The following ARHGAP26 variants were observed in gnomAD, a reference collection of about 807,000 sequenced individuals.
ARHGAP26 encodes the protein rho GTPase-activating protein 26.
A neutral mutation model predicts 104.8 loss-of-function variants in ARHGAP26; 38 were observed. The observed-to-expected ratio is 0.36, with a 90% CI of 0.28 to 0.48. The LOEUF (loss-of-function observed/expected upper bound fraction) is 0.48, where lower values mean the gene tolerates loss of function less well. Ranked by LOEUF, ARHGAP26 falls within the 20% of genes least tolerant of loss-of-function variation. The pLI is 0.99. For synonymous variants in ARHGAP26, 341 were observed against 340.0 expected (o/e 1.00, Z -0.03); for missense variants, 704 against 947.9 (o/e 0.74, Z 3.38).
chr5:142,899,555 TGGGAC>T (rs1759979241), intron 6 of ARHGAP26, among the ~76,000 whole-genome samples: 1 of 152,106 alleles, frequency 6.6e-6, no homozygotes, highest in African/African-American at 2.4e-5. Flanking sequence ...GATAACCAGG[TGGGAC>T]TGCAGCAAGC....
At chr5:142,898,191 C>CAT (rs562221795) in intron 6 of ARHGAP26, among the ~76,000 whole-genome samples, 1 of 135,946 alleles carries the variant, frequency 7.4e-6, no homozygotes, top group Non-Finnish European at 1.5e-5. Flanking sequence ...CACACACACA[C>CAT]ATATATACAC....
chr5:142,846,659 A>C (rs930405097), intron 1 of ARHGAP26, among the ~76,000 whole-genome samples: 2 of 152,152 alleles, frequency 1.3e-5, no homozygotes, highest in Non-Finnish European at 2.9e-5. Flanking sequence ...CATCTCATAG[A>C]CATTTGGGAG....
intron 11 of ARHGAP26, among the ~76,000 whole-genome samples, chr5:142,963,163 G>GATATATATATATATATATATAT (rs1562163912): frequency 7.1e-5 from 8 of 112,164 alleles, no homozygotes; most frequent in Non-Finnish European, 1.2e-4. Context: ...AGTATTCCAT[G>GATATATATATATATATATATAT]GTATATATGT....
At chr5:142,794,260 C>G (rs183529670) in intron 1 of ARHGAP26, among the ~76,000 whole-genome samples, 1 of 152,316 alleles carries the variant, frequency 6.6e-6, no homozygotes. Flanking sequence ...GAGATAATCC[C>G]TGAAGCCGAC....
chr5:143,146,883 G>A (rs1007698367), intron 19 of ARHGAP26, among the ~76,000 whole-genome samples: 2 of 152,150 alleles, frequency 1.3e-5, no homozygotes, highest in African/African-American at 2.4e-5. Context: ...GAATGTGAGG[G>A]GTCTGTGGAG....
chr5:142,907,727 A>G lies in ARHGAP26; in HGVS notation c.856A>G (p.Lys286Glu). The G allele has an allele frequency of 6.2e-7, 1 of 1,607,516 alleles. No homozygotes were observed. Among genetic ancestry groups the G allele is most frequent in the Non-Finnish European group, 8.5e-7 (1 of 1,175,758 alleles). The change falls in exon 9 of 23, where the codon AAG becomes GAG. Residue 286 changes from lysine (K) to glutamate (E), a missense_variant. Transcript: ENST00000645722. ...EKRHFGTSWVKHYCTYQRDSK... is the reference protein window; with the variant it reads ...EKRHFGTSWVEHYCTYQRDSK... ...AGGTCACTTTGGAACTTCTTGGGTG[A>G]AGCACTACTGTACATATCAACGGGA...
intron 17 of ARHGAP26, among the ~76,000 whole-genome samples, chr5:143,065,805 C>T (rs1232278628): frequency 6.6e-6 from 1 of 152,086 alleles, no homozygotes; most frequent in African/African-American, 2.4e-5. Context: ...CACACGGATA[C>T]GCTGGGACAA....
rs1416383386 is a variant in ARHGAP26, at chr5:143,227,287, A to G, written c.*4841A>G. ...AACAGCCTCTTAGCTACCTGACTTT[A>G]AAAGGAATGACCTAGGTGTTCTGCC... On this transcript the variant is annotated 3_prime_UTR_variant, in exon 23 of 23. Coordinates refer to ENST00000645722, the MANE Select transcript of ARHGAP26 (RefSeq NM_001135608.3). The G allele has an allele frequency of 1.3e-5, 3 of 230,188 alleles. No individual in the cohort carries two copies. Among genetic ancestry groups the G allele is most frequent in the Non-Finnish European group, 2.6e-5 (3 of 116,210 alleles). 14.3% of individuals were successfully genotyped at this position (230,188 alleles called of 1,614,324 possible). A position where few individuals can be genotyped will look rare whatever the true frequency, so the allele number is the denominator to read the frequency against.
intron 12 of ARHGAP26, among the ~76,000 whole-genome samples, chr5:143,029,392 G>GT (rs536919888): frequency 0.07 from 5,621 of 80,770 alleles, 1,542 homozygotes; most frequent in Non-Finnish European, 0.11. Flanking sequence ...TTACTTCTCA[G>GT]TTTTTTTTTT....
chr5:143,092,088 T>C (rs1791514820), intron 17 of ARHGAP26, among the ~76,000 whole-genome samples: 1 of 152,142 alleles, frequency 6.6e-6, no homozygotes, highest in South Asian at 2.1e-4. Context: ...TTTTATAACT[T>C]TTTTTCATGA....
At chr5:143,016,161 G>T (rs1415539722) in intron 12 of ARHGAP26, among the ~76,000 whole-genome samples, 1 of 152,170 alleles carries the variant, frequency 6.6e-6, no homozygotes, top group African/African-American at 2.4e-5. Flanking sequence ...CTGATAGTTT[G>T]TTAATGATTG....
chr5:142,784,669 G>A (rs1249242521), intron 1 of ARHGAP26, among the ~76,000 whole-genome samples: 1 of 152,174 alleles, frequency 6.6e-6, no homozygotes, highest in Non-Finnish European at 1.5e-5. Context: ...ATGGGGGTAG[G>A]CGATGGTAGG....
In ARHGAP26 at chr5:142,894,222, T is replaced by G. The variant is rs1000553889; in HGVS notation, c.487-16T>G. ...TAGTGACTTGATTTTTCTCTTAAAT[T>G]CCATCTTGTTTGTAGGCAGACAGCC... On this transcript the variant is annotated splice_polypyrimidine_tract_variant and intron_variant, in intron 5 of 22. Transcript: ENST00000645722. The G allele has an allele frequency of 5.6e-6, 9 of 1,610,988 alleles. No individual in the cohort carries two copies. Among genetic ancestry groups the G allele is most frequent in the Non-Finnish European group, 7.6e-6 (9 of 1,177,438 alleles).
Position 142,880,517 on chromosome 5 carries a change from CAA to C in ARHGAP26, c.384+1084_384+1085del, listed in dbSNP as rs36049761. Among the ~76,000 whole-genome samples, 397 of 144,562 alleles carry C rather than the reference CAA, an allele frequency of 2.7e-3. 8 individuals carry two copies. In the East Asian group the frequency reaches 0.041, roughly 15 times the overall value. The allele number at this position is 144,562 out of a possible 152,430, so 94.8% of individuals were successfully genotyped here. A position where few individuals can be genotyped will look rare whatever the true frequency, so the allele number is the denominator to read the frequency against. On this transcript the variant is annotated intron_variant, in intron 4 of 22. Transcript: ENST00000645722. ...GGGCAACAGAGCAAGACTCCATGTC[CAA>C]AAAAAAAAAAATCACTAGGAAACTC... is the stretch of plus-strand genomic sequence containing the variant.
At chr5:143,003,093 A>G (rs887417887) in intron 11 of ARHGAP26, among the ~76,000 whole-genome samples, 2 of 152,252 alleles carry the variant, frequency 1.3e-5, no homozygotes, top group Admixed American at 6.5e-5. Context: ...GTCACGGGGT[A>G]GCGGAGGAGA....
intron 1 of ARHGAP26, among the ~76,000 whole-genome samples, chr5:142,869,919 G>A (rs1029279056): frequency 2.6e-5 from 4 of 152,124 alleles, no homozygotes; most frequent in Non-Finnish European, 5.9e-5. Context: ...ACTTCTAGCT[G>A]CTTCCATATT....
intron 1 of ARHGAP26, among the ~76,000 whole-genome samples, chr5:142,832,927 A>C (rs1356105411): frequency 6.6e-6 from 1 of 152,176 alleles, no homozygotes; most frequent in Non-Finnish European, 1.5e-5. Flanking sequence ...TTTACTTAAA[A>C]ATTTTTTTTG....
intron 11 of ARHGAP26, among the ~76,000 whole-genome samples, chr5:142,937,812 T>C (rs889452229): frequency 6.6e-6 from 1 of 152,200 alleles, no homozygotes; most frequent in Non-Finnish European, 1.5e-5. Flanking sequence ...ACTTTAATTT[T>C]GTAACATTTT....
intron 15 of ARHGAP26, among the ~76,000 whole-genome samples, chr5:143,055,152 T>A (rs1486057440): frequency 6.6e-6 from 1 of 152,208 alleles, no homozygotes; most frequent in Non-Finnish European, 1.5e-5. Flanking sequence ...TATGCTGGAC[T>A]TGAAGGACAG....
Sources: allele counts gnomAD v4.1 joint callset (sites outside exome capture counted in the v4.1 genomes callset), GRCh38; gene constraint gnomAD v4.1.1; transcripts MANE v1.5; gene names NCBI Gene and HGNC (gene_info 2026-07-23, HGNC 2026-07-21).